CPA6: variants seen among roughly 807,000 people sequenced by gnomAD.
The protein encoded by CPA6 is carboxypeptidase A6, also known as carboxypeptidase B.
CPA6 carries 58 observed loss-of-function variants against 63.3 expected under a neutral mutation model. The ratio of observed to expected loss-of-function variants is 0.92; its 90% CI spans 0.74 to 1.14. The LOEUF (loss-of-function observed/expected upper bound fraction) is 1.14, where lower values mean the gene tolerates loss of function less well. Among genes scored for constraint, CPA6 ranks in the 50% most tolerant of loss-of-function variants. The pLI is 0.00. For synonymous variants in CPA6, 185 were observed against 179.0 expected (o/e 1.03, Z -0.27); for missense variants, 565 against 526.6 (o/e 1.07, Z -0.71).
At chr8:67,588,035 G>A (rs1435187363) in intron 2 of CPA6, among the ~76,000 whole-genome samples, 1 of 152,116 alleles carries the variant, frequency 6.6e-6, no homozygotes, top group Non-Finnish European at 1.5e-5. Context: ...GTGAGCTAAG[G>A]AAGCTTTCAT....
At chr8:67,452,607 C>G (rs868618923) in intron 8 of CPA6, 1 of 152,214 alleles carries the variant, frequency 6.6e-6, no homozygotes, top group South Asian at 2.1e-4. Context: ...ACATCATGAA[C>G]CAAAGGTTTT....
chr8:67,597,830 T>C (rs900736564), intron 2 of CPA6, among the ~76,000 whole-genome samples: 8 of 152,242 alleles, frequency 5.3e-5, no homozygotes, highest in African/African-American at 1.9e-4. Context: ...ATTGTTGTTC[T>C]TTTGTTCATG....
At chr8:67,590,574 T>C (rs1428936874) in intron 2 of CPA6, among the ~76,000 whole-genome samples, 1 of 152,180 alleles carries the variant, frequency 6.6e-6, no homozygotes, top group Non-Finnish European at 1.5e-5. Flanking sequence ...TTTTTAATGA[T>C]TGCCATTCTA....
intron 8 of CPA6, among the ~76,000 whole-genome samples, chr8:67,470,690 G>T (rs1811038523): frequency 6.6e-6 from 1 of 151,846 alleles, no homozygotes; most frequent in Admixed American, 6.6e-5. Flanking sequence ...TGCTGTATTT[G>T]CTGCAAATAC....
chr8:67,480,355 C>T (rs1811332329), intron 8 of CPA6, among the ~76,000 whole-genome samples: 2 of 152,036 alleles, frequency 1.3e-5, no homozygotes. Context: ...CTAATTTTCC[C>T]CTCTCCTCAG....
At chr8:67,446,562 A>G (rs1210407170) in intron 8 of CPA6, among the ~76,000 whole-genome samples, 1 of 152,230 alleles carries the variant, frequency 6.6e-6, no homozygotes, top group African/African-American at 2.4e-5. Flanking sequence ...TAAAAACAGA[A>G]AAGCAGCAGA....
At chr8:67,560,973 A>G (rs183716072) in intron 2 of CPA6, among the ~76,000 whole-genome samples, 306 of 152,318 alleles carry the variant, frequency 2.0e-3, no homozygotes, top group African/African-American at 7.0e-3. Flanking sequence ...ATTTGAAATC[A>G]TATTATAAAC....
At chr8:67,480,057 A>C (rs1563969894) in intron 8 of CPA6, among the ~76,000 whole-genome samples, 1 of 152,146 alleles carries the variant, frequency 6.6e-6, no homozygotes, top group Admixed American at 6.5e-5. Context: ...CTGCTAAAAA[A>C]ATCGTATAGT....
chr8:67,699,836 G>A (rs1372359901), intron 1 of CPA6, among the ~76,000 whole-genome samples: 1 of 152,104 alleles, frequency 6.6e-6, no homozygotes, highest in African/African-American at 2.4e-5. Flanking sequence ...TGATCCACCT[G>A]CCTCAGCCTC....
chr8:67,632,629 A>G (rs1815368598), intron 1 of CPA6, among the ~76,000 whole-genome samples: 1 of 152,166 alleles, frequency 6.6e-6, no homozygotes, highest in Non-Finnish European at 1.5e-5. Context: ...TTAATATGTG[A>G]TGTTCTCATT....
chr8:67,621,233 AC>A (rs1266029861), intron 2 of CPA6, among the ~76,000 whole-genome samples: 3 of 151,980 alleles, frequency 2.0e-5, no homozygotes, highest in Admixed American at 1.3e-4. Flanking sequence ...ATACTCCTTT[AC>A]CCTTTGCTGA....
At position 67,444,385 on chromosome 8, in the gene CPA6, G is replaced by A. The variant is rs974336900; in HGVS notation, c.839-10145C>T. ...GTCTATTTCATTTTGGACATGTTAA[G>A]TTTGGCTGCCAATAGAGATTTCTAA... is the stretch of plus-strand genomic sequence containing the variant. On this transcript the variant is annotated intron_variant, in intron 8 of 10. Transcript: ENST00000297770. Among the ~76,000 whole-genome samples, 6 of 152,178 alleles carry A rather than the reference G, an allele frequency of 3.9e-5. No homozygotes were observed. In the East Asian group the frequency reaches 1.2e-3, roughly 29 times the overall value.
At chr8:67,533,538 T>C (rs1473548579) in intron 2 of CPA6, among the ~76,000 whole-genome samples, 1 of 152,226 alleles carries the variant, frequency 6.6e-6, no homozygotes, top group Non-Finnish European at 1.5e-5. Flanking sequence ...TGTCCTATCA[T>C]CTCCCAGTTG....
chr8:67,698,354 G>A (rs1221288671), intron 1 of CPA6, among the ~76,000 whole-genome samples: 1 of 152,144 alleles, frequency 6.6e-6, no homozygotes, highest in Non-Finnish European at 1.5e-5. Context: ...ACAACTCCTG[G>A]TGATTCTGGT....
intron 2 of CPA6, among the ~76,000 whole-genome samples, chr8:67,596,846 A>G (rs558830306): frequency 1.3e-5 from 2 of 152,318 alleles, no homozygotes; most frequent in African/African-American, 4.8e-5. Context: ...GGAAGAATAC[A>G]GGCCAAATAT....
At chr8:67,452,833 C>T (rs564841083) in intron 8 of CPA6, among the ~76,000 whole-genome samples, 1 of 152,116 alleles carries the variant, frequency 6.6e-6, no homozygotes, top group African/African-American at 2.4e-5. Context: ...ACTTGTAGAA[C>T]TCAAGGAGTT....
chr8:67,609,828 C>T (rs1369835561), intron 2 of CPA6, among the ~76,000 whole-genome samples: 4 of 152,172 alleles, frequency 2.6e-5, no homozygotes, highest in Non-Finnish European at 5.9e-5. Context: ...TCGAGACCAA[C>T]ATGGTCAATA....
chr8:67,548,387 G>C (rs1320106150), intron 2 of CPA6, among the ~76,000 whole-genome samples: 3 of 151,546 alleles, frequency 2.0e-5, no homozygotes, highest in African/African-American at 7.3e-5. Context: ...GAGCAGCTGG[G>C]ACTACAGACA....
At chr8:67,569,044 C>T (rs768255190) in intron 2 of CPA6, among the ~76,000 whole-genome samples, 1 of 152,158 alleles carries the variant, frequency 6.6e-6, no homozygotes, top group Non-Finnish European at 1.5e-5. Context: ...AGCCACTGTG[C>T]CTGGCAGGAA....
Sources: allele counts gnomAD v4.1 joint callset (sites outside exome capture counted in the v4.1 genomes callset), GRCh38; gene constraint gnomAD v4.1.1; transcripts MANE v1.5; gene names NCBI Gene and HGNC (gene_info 2026-07-23, HGNC 2026-07-21).